RAMP1: variants seen among roughly 807,000 people sequenced by gnomAD.
The protein encoded by RAMP1 is receptor activity-modifying protein 1.
A neutral mutation model predicts 8.2 loss-of-function variants in RAMP1; 7 were observed. The observed-to-expected ratio is 0.85, with a 90% CI of 0.49 to 1.60. RAMP1 has a LOEUF of 1.60. Among genes scored for constraint, RAMP1 ranks in the 40% most tolerant of loss-of-function variants. RAMP1 has a pLI of 0.00. For synonymous variants in RAMP1, 92 were observed against 84.7 expected (o/e 1.09, Z -0.47); for missense variants, 192 against 202.4 (o/e 0.95, Z 0.31).
At chr2:237,889,281 G>A (rs2062466410) in intron 2 of RAMP1, among the ~76,000 whole-genome samples, 1 of 152,212 alleles carries the variant, frequency 6.6e-6, no homozygotes, top group African/African-American at 2.4e-5. Flanking sequence ...TCAATTGTGA[G>A]AGTCATATGC....
At chr2:237,896,624 A>G (rs905645792) in intron 2 of RAMP1, among the ~76,000 whole-genome samples, 1 of 152,214 alleles carries the variant, frequency 6.6e-6, no homozygotes, top group African/African-American at 2.4e-5. Context: ...GCGGGGAAAC[A>G]GGTCTTAGTA....
chr2:237,859,342 TGAGTCGTCTAG>T (rs1335849397), upstream of RAMP1, among the ~76,000 whole-genome samples: 2 of 152,200 alleles, frequency 1.3e-5, no homozygotes, highest in Non-Finnish European at 2.9e-5. Flanking sequence ...CCCCTCACGC[TGAGTCGTCTAG>T]GAGACCCTCC....
chr2:237,882,099 T>C (rs1195544884), intron 2 of RAMP1, among the ~76,000 whole-genome samples: 1 of 152,218 alleles, frequency 6.6e-6, no homozygotes, highest in African/African-American at 2.4e-5. Context: ...AAATGTTATC[T>C]TTTTCTGGAT....
chr2:237,898,930 G>A (rs2062571176), intron 2 of RAMP1, among the ~76,000 whole-genome samples: 2 of 152,258 alleles, frequency 1.3e-5, no homozygotes, highest in Admixed American at 1.3e-4. Context: ...CTGGGTGTGA[G>A]CCCTGACACC....
Position 237,878,357 on chromosome 2 carries a change from G to A in RAMP1, c.191+995G>A, listed in dbSNP as rs553314325. On this transcript the variant is annotated intron_variant, in intron 2 of 2. Coordinates refer to ENST00000254661, the MANE Select transcript of RAMP1 (RefSeq NM_005855.4). The surrounding 1 kb of genome is among the most constrained non-coding windows in gnomAD (Gnocchi z 5.7). ...GAAAGGTTGCACCAAGGTCACACAC[G>A]AAGAGTACCTGTGGCTGTGGTGTCC... is the stretch of plus-strand genomic sequence containing the variant. Among the ~76,000 whole-genome samples the A allele has an allele frequency of 7.9e-5, 12 of 152,376 alleles. No homozygotes were observed. The highest frequency in any genetic ancestry group is 1.0e-4 in the Non-Finnish European group (7 of 68,030).
rs1347577663 is a variant in RAMP1, at chr2:237,878,041, G to A, written c.191+679G>A. The A allele has an allele frequency of 8.1e-6, 8 of 985,354 alleles. No homozygotes were observed. Among genetic ancestry groups the A allele is most frequent in the South Asian group, 9.4e-5 (2 of 21,298 alleles). The allele number at this position is 985,354 out of a possible 1,614,324, so 61.0% of individuals were successfully genotyped here. On this transcript the variant is annotated intron_variant, in intron 2 of 2. Coordinates refer to ENST00000254661, the MANE Select transcript of RAMP1 (RefSeq NM_005855.4). The surrounding 1 kb of genome is among the most constrained non-coding windows in gnomAD (Gnocchi z 5.7). ...GCGGCGATCAGAACTCGGCATGTCC[G>A]CAATCGACTTTCAAGTCCTTGTTTC...
intron 2 of RAMP1, among the ~76,000 whole-genome samples, chr2:237,883,226 A>G (rs1007982335): frequency 1.3e-5 from 2 of 152,148 alleles, no homozygotes; most frequent in African/African-American, 4.8e-5. Flanking sequence ...CTGGGCCTGC[A>G]GGTATCTTGG....
At chr2:237,901,481 G>A (rs1488193875) in intron 2 of RAMP1, among the ~76,000 whole-genome samples, 2 of 152,210 alleles carry the variant, frequency 1.3e-5, no homozygotes, top group African/African-American at 2.4e-5. Flanking sequence ...AGCGAAGGGC[G>A]AGCATAGGGT....
chr2:237,892,280 T>C (rs12611445), intron 2 of RAMP1, among the ~76,000 whole-genome samples: 51,922 of 114,292 alleles, frequency 0.45, 10,027 homozygotes, highest in Non-Finnish European at 0.5. Context: ...TTCTTTCTTT[T>C]TTTTTTTTTT....
At chr2:237,864,523 C>T (rs1305001043) in intron 1 of RAMP1, among the ~76,000 whole-genome samples, 4 of 152,166 alleles carry the variant, frequency 2.6e-5, no homozygotes, top group Admixed American at 6.5e-5. Context: ...GCCGGGAAAG[C>T]GCTGCACCGT....
chr2:237,866,943 G>A (rs1032728340), intron 1 of RAMP1, among the ~76,000 whole-genome samples: 4 of 152,024 alleles, frequency 2.6e-5, no homozygotes, highest in African/African-American at 9.7e-5. Flanking sequence ...TGGCCAGGCT[G>A]GTCTCAAACT....
At position 237,877,200 on chromosome 2, in the gene RAMP1, T is replaced by C; in HGVS notation, c.53-24T>C. On this transcript the variant is annotated intron_variant, in intron 1 of 2. Coordinates refer to ENST00000254661, the MANE Select transcript of RAMP1 (RefSeq NM_005855.4). This position sits in a 1 kb window ranked among gnomAD's most constrained non-coding sequence, Gnocchi z 4.4. ...TAGGCCTCTGCTGCCGCCCGCCATC[T>C]CTTCATGGCCGTGTCTATTTCAGCC... The C allele has an allele frequency of 6.2e-7, 1 of 1,613,328 alleles. No homozygotes were observed. The highest frequency in any genetic ancestry group is 1.1e-5 in the South Asian group (1 of 91,084).
At chr2:237,902,800 G>A (rs2062616722) in intron 2 of RAMP1, among the ~76,000 whole-genome samples, 1 of 152,224 alleles carries the variant, frequency 6.6e-6, no homozygotes, top group South Asian at 2.1e-4. Flanking sequence ...AGTTTCCTGT[G>A]AGCCTTCCTG....
At chr2:237,903,333 T>C (rs545900242) in intron 2 of RAMP1, among the ~76,000 whole-genome samples, 36 of 152,340 alleles carry the variant, frequency 2.4e-4, no homozygotes, top group African/African-American at 7.2e-4. Flanking sequence ...CTGTTATCTA[T>C]ATTTCACATT....
chr2:237,863,119 C>T lies in RAMP1; in HGVS notation c.52+3392C>T, dbSNP rs553605793. On this transcript the variant is annotated intron_variant, in intron 1 of 2. Coordinates refer to ENST00000254661, the MANE Select transcript of RAMP1 (RefSeq NM_005855.4). ...CTGTGGGAATCCTGCCCAAGAGCCT[C>T]CTCCTCCACTGGGGACCCAGGGAGG... Among the ~76,000 whole-genome samples, 5 of 152,234 alleles carry T rather than the reference C, an allele frequency of 3.3e-5. 1 individual carries two copies. In the East Asian group the frequency reaches 5.8e-4, roughly 18 times the overall value.
intron 2 of RAMP1, among the ~76,000 whole-genome samples, chr2:237,898,058 C>T (rs2062560800): frequency 6.6e-6 from 1 of 152,170 alleles, no homozygotes; most frequent in African/African-American, 2.4e-5. Flanking sequence ...CTCAGCCTCC[C>T]ACAGTGCTGG....
intron 2 of RAMP1, among the ~76,000 whole-genome samples, chr2:237,886,937 G>A (rs1401946056): frequency 6.6e-6 from 1 of 152,204 alleles, no homozygotes; most frequent in Non-Finnish European, 1.5e-5. Flanking sequence ...CCTCCCCTGT[G>A]GACACTCGAC....
chr2:237,860,214 A>G (rs892433641), intron 1 of RAMP1, among the ~76,000 whole-genome samples: 2 of 152,222 alleles, frequency 1.3e-5, no homozygotes, highest in Non-Finnish European at 1.5e-5. Flanking sequence ...GCCGGTTTGT[A>G]TGGAAATTAG....
intron 2 of RAMP1, among the ~76,000 whole-genome samples, chr2:237,902,428 G>A (rs1258015141): frequency 6.6e-6 from 1 of 151,778 alleles, no homozygotes; most frequent in African/African-American, 2.4e-5. Flanking sequence ...AGATGGAGGA[G>A]GGAACAGGAG....
Sources: gnomAD v4.1 joint callset for allele counts (sites outside exome capture counted in the v4.1 genomes callset) on GRCh38, gnomAD v4.1.1 for gene constraint, Gnocchi (gnomAD v3.1) non-coding constraint, MANE v1.5 for transcripts, NCBI Gene and HGNC (gene_info 2026-07-23, HGNC 2026-07-21) for gene names.